AGAP1: variants seen among roughly 807,000 people sequenced by gnomAD.
The protein encoded by AGAP1 is arf-GAP with GTPase, ANK repeat and PH domain-containing protein 1.
Under a neutral mutation model 105.3 loss-of-function variants are expected in AGAP1, and 29 were observed. That is an observed-to-expected ratio of 0.28 (90% CI 0.21 to 0.38). The LOEUF (loss-of-function observed/expected upper bound fraction) is 0.38, where lower values mean the gene tolerates loss of function less well. AGAP1 is among the 10% of genes least tolerant of loss of function. The pLI, the probability that AGAP1 is intolerant of heterozygous loss-of-function variation, is 1.00. For missense variants in AGAP1, 998 were observed against 1,165.1 expected (o/e 0.86, Z 2.09); for synonymous variants, 509 against 485.9 (o/e 1.05, Z -0.63).
chr2:235,637,708 G>A (rs139351365), intron 1 of AGAP1, among the ~76,000 whole-genome samples: 3 of 152,248 alleles, frequency 2.0e-5, no homozygotes, highest in African/African-American at 2.4e-5. Flanking sequence ...GCATTATTCA[G>A]GGTTCTCAGA....
Position 235,957,452 on chromosome 2 carries a change from G to A in AGAP1, c.1484-11010G>A, listed in dbSNP as rs1446617349. ...GTCATCTTCCTGGGCCCCCTGCCGT[G>A]TCCCCGCTGCCCCTCTGACATTGTG... On this transcript the variant is annotated intron_variant, in intron 12 of 17. Coordinates refer to ENST00000304032, the MANE Select transcript of AGAP1 (RefSeq NM_001037131.3). This position sits in a 1 kb window ranked among gnomAD's most constrained non-coding sequence, Gnocchi z 4.6. 6.6e-6 allele frequency among the ~76,000 whole-genome samples: 1 copy of A among 152,136 alleles called. No homozygotes were observed. Among genetic ancestry groups the A allele is most frequent in the Non-Finnish European group, 1.5e-5 (1 of 68,024 alleles).
intron 1 of AGAP1, among the ~76,000 whole-genome samples, chr2:235,630,889 C>T (rs539987139): frequency 7.9e-5 from 12 of 152,286 alleles, no homozygotes; most frequent in Admixed American, 5.2e-4. Context: ...CAGCCCGTTG[C>T]GGGTCTGCAT....
At chr2:235,785,032 G>A (rs958579114) in intron 6 of AGAP1, among the ~76,000 whole-genome samples, 1 of 152,290 alleles carries the variant, frequency 6.6e-6, no homozygotes, top group African/African-American at 2.4e-5. Context: ...ACTTCTTCCC[G>A]TGCACAGGGC....
chr2:235,652,713 G>A (rs1462156829), intron 1 of AGAP1, among the ~76,000 whole-genome samples: 2 of 151,808 alleles, frequency 1.3e-5, no homozygotes, highest in African/African-American at 4.9e-5. Flanking sequence ...CCAACATGGT[G>A]AAACCCCATC....
At position 236,128,856 on chromosome 2, in the gene AGAP1, C is replaced by T. The variant is rs1188859455; in HGVS notation, c.*4734C>T. On this transcript the variant is annotated 3_prime_UTR_variant, in exon 18 of 18. Coordinates refer to ENST00000304032, the MANE Select transcript of AGAP1 (RefSeq NM_001037131.3). This position sits in a 1 kb window ranked among gnomAD's most constrained non-coding sequence, Gnocchi z 5.9. ...CACGGCATGTGCTCTGCTTCCGTCCCTCACCGCCTGCACAAGGTCGTTGAG... is the reference window on the plus strand; with the variant it reads ...CACGGCATGTGCTCTGCTTCCGTCCTTCACCGCCTGCACAAGGTCGTTGAG... 2 of 152,236 alleles carry T rather than the reference C, an allele frequency of 1.3e-5. No individual in the cohort carries two copies. Among genetic ancestry groups the T allele is most frequent in the Admixed American group, 1.3e-4 (2 of 15,286 alleles). The allele number at this position is 152,236 out of a possible 1,614,324, so 9.4% of individuals were successfully genotyped here. A position where few individuals can be genotyped will look rare whatever the true frequency, so the allele number is the denominator to read the frequency against.
In AGAP1 at chr2:235,801,072, G is replaced by C. The variant is rs575692978; in HGVS notation, c.957+1550G>C. Among the ~76,000 whole-genome samples, 10 of 152,252 alleles carry C rather than the reference G, an allele frequency of 6.6e-5. No homozygotes were observed. The South Asian group carries it at 2.1e-3, about 32-fold the overall frequency. On this transcript the variant is annotated intron_variant, in intron 8 of 17. Transcript: ENST00000304032. This position sits in a 1 kb window ranked among gnomAD's most constrained non-coding sequence, Gnocchi z 6.0. The stretch of plus-strand genomic sequence containing the variant: ...TCATTGGATGCTCATGACTGCGGAG[G>C]CGGTTGCCAGCTGCACACACCCCCT...
chr2:235,778,224 C>G (rs1221554502), intron 6 of AGAP1, among the ~76,000 whole-genome samples: 1 of 152,212 alleles, frequency 6.6e-6, no homozygotes, highest in Non-Finnish European at 1.5e-5. Flanking sequence ...GGTTCATGTA[C>G]CTTGTACGAC....
chr2:236,106,722 A>G (rs1200011579), intron 16 of AGAP1, among the ~76,000 whole-genome samples: 1 of 152,140 alleles, frequency 6.6e-6, no homozygotes, highest in East Asian at 1.9e-4. Context: ...CCACCTGCGT[A>G]AGTCACGGTG....
At chr2:236,039,760 G>A (rs947313394) in intron 14 of AGAP1, among the ~76,000 whole-genome samples, 1 of 152,142 alleles carries the variant, frequency 6.6e-6, no homozygotes, top group Non-Finnish European at 1.5e-5. Context: ...TATGTATTAC[G>A]CTGGCTTTTT....
At position 235,701,007 on chromosome 2, in the gene AGAP1, GTT is replaced by G. The variant is rs1950226289; in HGVS notation, c.164-8171_164-8170del. 2.4e-5 allele frequency among the ~76,000 whole-genome samples: 1 copy of G among 41,296 alleles called. No homozygotes were observed. The highest frequency in any genetic ancestry group is 5.3e-5 in the Non-Finnish European group (1 of 18,912). 27.1% of individuals were successfully genotyped at this position (41,296 alleles called of 152,430 possible). A position where few individuals can be genotyped will look rare whatever the true frequency, so the allele number is the denominator to read the frequency against. On this transcript the variant is annotated intron_variant, in intron 1 of 17. Transcript: ENST00000304032. This position sits in a 1 kb window ranked among gnomAD's most constrained non-coding sequence, Gnocchi z 4.1. ...TATATATTATATATGCTATAATATA[GTT>G]ATATGTATATATTATATATGCTATA...
chr2:235,615,905 A>G lies in AGAP1; in HGVS notation c.164-93274A>G, dbSNP rs941592637. On this transcript the variant is annotated intron_variant, in intron 1 of 17. Coordinates refer to ENST00000304032, the MANE Select transcript of AGAP1 (RefSeq NM_001037131.3). The surrounding 1 kb of genome is among the most constrained non-coding windows in gnomAD (Gnocchi z 5.0). ...AGACCAACAAAAATATGTATTACATATAGAGCATTGTCTTCTATATGTAAA... is the reference window on the plus strand; with the variant it reads ...AGACCAACAAAAATATGTATTACATGTAGAGCATTGTCTTCTATATGTAAA... 6.6e-6 allele frequency among the ~76,000 whole-genome samples: 1 copy of G among 152,254 alleles called. No individual in the cohort carries two copies.
chr2:235,632,597 G>A (rs1197745214), intron 1 of AGAP1, among the ~76,000 whole-genome samples: 1 of 152,142 alleles, frequency 6.6e-6, no homozygotes, highest in Admixed American at 6.5e-5. Context: ...TGCTGAAATC[G>A]GGCTGGGGTC....
At chr2:235,743,635 A>G (rs1952717589) in intron 4 of AGAP1, among the ~76,000 whole-genome samples, 1 of 152,246 alleles carries the variant, frequency 6.6e-6, no homozygotes, top group African/African-American at 2.4e-5. Context: ...TGTTTTACAT[A>G]TAACTGAATG....
rs750654012 is a variant in AGAP1 at position 236,120,981 on chromosome 2, C to T, written c.2370+534C>T. Among the ~76,000 whole-genome samples, 14 of 152,232 alleles carry T rather than the reference C, an allele frequency of 9.2e-5. No individual in the cohort carries two copies. Among genetic ancestry groups the T allele is most frequent in the Non-Finnish European group, 1.8e-4 (12 of 68,044 alleles). ...GAAAGAGAAGGATAAAGTGGTTGTG[C>T]AGAGAGGCCCTGCCTGTGCCACCCA... On this transcript the variant is annotated intron_variant, in intron 17 of 17. Transcript: ENST00000304032. The surrounding 1 kb of genome is among the most constrained non-coding windows in gnomAD (Gnocchi z 6.0).
In AGAP1 at chr2:235,843,965, A is replaced by G. The variant is rs1961168548; in HGVS notation, c.1050+36634A>G. On this transcript the variant is annotated intron_variant, in intron 9 of 17. Coordinates refer to ENST00000304032, the MANE Select transcript of AGAP1 (RefSeq NM_001037131.3). This position sits in a 1 kb window ranked among gnomAD's most constrained non-coding sequence, Gnocchi z 5.9. ...CACATTGTCATCAGTGTCACTCAGG[A>G]CCTTGCCCGCTGCCCCAGCTCAGAG... Among the ~76,000 whole-genome samples the G allele has an allele frequency of 6.6e-6, 1 of 152,126 alleles. No homozygotes were observed. The highest frequency in any genetic ancestry group is 1.5e-5 in the Non-Finnish European group (1 of 68,022).
intron 12 of AGAP1, among the ~76,000 whole-genome samples, chr2:235,932,574 A>G (rs1211082463): frequency 6.6e-6 from 1 of 152,226 alleles, no homozygotes; most frequent in Non-Finnish European, 1.5e-5. Flanking sequence ...CCAGGTGCAC[A>G]GGTGACACGG....
chr2:235,967,300 C>CAGCT lies in AGAP1; in HGVS notation c.1484-1160_1484-1157dup, dbSNP rs534637996. Among the ~76,000 whole-genome samples the CAGCT allele has an allele frequency of 4.1e-4, 63 of 152,308 alleles. 2 individuals carry two copies. In the East Asian group the frequency reaches 8.3e-3, roughly 20 times the overall value. On this transcript the variant is annotated intron_variant, in intron 12 of 17. Coordinates refer to ENST00000304032, the MANE Select transcript of AGAP1 (RefSeq NM_001037131.3). The surrounding 1 kb of genome is among the most constrained non-coding windows in gnomAD (Gnocchi z 4.7). ...GTCCCGTGCTCAGCGAGACCTACCC[C>CAGCT]AGCTACCCTATTTTAAATGACACCC...
intron 1 of AGAP1, among the ~76,000 whole-genome samples, chr2:235,527,171 C>A (rs750756547): frequency 1.3e-5 from 2 of 152,112 alleles, no homozygotes; most frequent in Admixed American, 1.3e-4. Flanking sequence ...CGGTGGGTGA[C>A]ATCTGATGAG....
intron 16 of AGAP1, among the ~76,000 whole-genome samples, chr2:236,068,851 A>T (rs569563807): frequency 5.6e-5 from 8 of 142,662 alleles, no homozygotes; most frequent in Non-Finnish European, 1.2e-4. Flanking sequence ...GATGTAGGCT[A>T]GGCATGGTGG....
Sources: gnomAD v4.1 joint callset for allele counts (sites outside exome capture counted in the v4.1 genomes callset) on GRCh38, gnomAD v4.1.1 for gene constraint, Gnocchi (gnomAD v3.1) non-coding constraint, MANE v1.5 for transcripts, NCBI Gene and HGNC (gene_info 2026-07-23, HGNC 2026-07-21) for gene names.